Variants in CACNA1B observed in about 807,000 individuals in gnomAD.
The protein encoded by CACNA1B is voltage-dependent N-type calcium channel subunit alpha-1B.
A neutral mutation model predicts 247.2 loss-of-function variants in CACNA1B; 70 were observed. The ratio of observed to expected loss-of-function variants is 0.28; its 90% confidence interval spans 0.23 to 0.35. CACNA1B has a LOEUF of 0.35. CACNA1B is among the 10% of genes least tolerant of loss of function. The pLI, the probability that CACNA1B is intolerant of heterozygous loss-of-function variation, is 1.00. For synonymous variants in CACNA1B, 1,231 were observed against 1,294.4 expected (o/e 0.95, Z 1.05); for missense variants, 2,367 against 3,197.4 (o/e 0.74, Z 6.26).
At chr9:137,915,584 A>G (rs1957400780) in intron 5 of CACNA1B, among the ~76,000 whole-genome samples, 1 of 152,184 alleles carries the variant, frequency 6.6e-6, no homozygotes, top group South Asian at 2.1e-4. Flanking sequence ...CAGCACTTTT[A>G]GAAAAAGGTT....
intron 44 of CACNA1B, 24 bp downstream of exon 44, chr9:138,118,792 G>A: frequency 8.8e-7 from 1 of 1,138,364 alleles, no homozygotes; most frequent in Admixed American, 2.2e-5. Flanking sequence ...GAGGGTCCAG[G>A]CCCTGGGCTG....
At chr9:138,079,127 TAGAC>T (rs1340506395) in intron 36 of CACNA1B, among the ~76,000 whole-genome samples, 1 of 152,180 alleles carries the variant, frequency 6.6e-6, no homozygotes, top group Non-Finnish European at 1.5e-5. Flanking sequence ...GAGTGCCTGT[TAGAC>T]ATACAGATTC....
intron 6 of CACNA1B, among the ~76,000 whole-genome samples, chr9:137,932,544 T>G (rs1957619674): frequency 6.6e-6 from 1 of 152,184 alleles, no homozygotes; most frequent in African/African-American, 2.4e-5. Flanking sequence ...GTGGCCCTGG[T>G]TAAAGGCTGG....
At chr9:137,884,669 G>A (rs1198272666) in intron 3 of CACNA1B, among the ~76,000 whole-genome samples, 2 of 151,708 alleles carry the variant, frequency 1.3e-5, no homozygotes, top group Non-Finnish European at 1.5e-5. Flanking sequence ...TTGTTGGGGT[G>A]TAAGCAGTGC....
intron 3 of CACNA1B, among the ~76,000 whole-genome samples, chr9:137,894,507 C>T (rs1356667693): frequency 6.6e-6 from 1 of 151,916 alleles, no homozygotes; most frequent in Non-Finnish European, 1.5e-5. Context: ...CCCCTGGGTT[C>T]ACGCCATTCT....
At chr9:137,960,634 T>C (rs1414397872) in intron 10 of CACNA1B, among the ~76,000 whole-genome samples, 1 of 151,916 alleles carries the variant, frequency 6.6e-6, no homozygotes, top group Non-Finnish European at 1.5e-5. Context: ...AAGGCTGTGC[T>C]TGGCACCCAG....
rs888249423 is a variant in CACNA1B, at chr9:138,102,047, C to A, written c.5223-664C>A. Among the ~76,000 whole-genome samples the A allele has an allele frequency of 1.3e-5, 2 of 152,210 alleles. No homozygotes were observed. The highest frequency in any genetic ancestry group is 4.8e-5 in the African/African-American group (2 of 41,470). On this transcript the variant is annotated intron_variant, in intron 37 of 46. Coordinates refer to ENST00000371372, the MANE Select transcript of CACNA1B (RefSeq NM_000718.4). The surrounding 1 kb of genome is among the most constrained non-coding windows in gnomAD (Gnocchi z 5.4). ...CTCCCGCAGTCTCCCATTTCCCACCCAGCCCTGAGCCCCAGCAGCAGCCCT... is the reference window on the plus strand; with the variant it reads ...CTCCCGCAGTCTCCCATTTCCCACCAAGCCCTGAGCCCCAGCAGCAGCCCT...
intron 3 of CACNA1B, among the ~76,000 whole-genome samples, chr9:137,907,708 G>A (rs1415302261): frequency 6.6e-6 from 1 of 151,960 alleles, no homozygotes; most frequent in African/African-American, 2.4e-5. Flanking sequence ...GTCTTTTATG[G>A]TGTGGTGTTA....
At chr9:137,997,356 T>C (rs1958512709) in intron 15 of CACNA1B, among the ~76,000 whole-genome samples, 1 of 152,184 alleles carries the variant, frequency 6.6e-6, no homozygotes, top group Admixed American at 6.5e-5. Context: ...TTGTCGGGAT[T>C]GACAAGAAAG....
intron 38 of CACNA1B, among the ~76,000 whole-genome samples, chr9:138,104,390 G>A (rs938801050): frequency 9.2e-5 from 14 of 152,256 alleles, no homozygotes; most frequent in Admixed American, 2.6e-4. Flanking sequence ...GCCCCCCAAC[G>A]CCTGCCCTGT....
Position 137,971,887 on chromosome 9 carries a change from A to G in CACNA1B, c.1543+295A>G, listed in dbSNP as rs1958155157. On this transcript the variant is annotated intron_variant, in intron 11 of 46. Coordinates refer to ENST00000371372, the MANE Select transcript of CACNA1B (RefSeq NM_000718.4). This position sits in a 1 kb window ranked among gnomAD's most constrained non-coding sequence, Gnocchi z 4.4. Reference sequence around the variant, plus strand: ...TTGAGGGGTCCGAGGCACCCAGGGCAGGATATATGTGGGACGACCAGGGGC... The same window carrying G: ...TTGAGGGGTCCGAGGCACCCAGGGCGGGATATATGTGGGACGACCAGGGGC... 6.6e-6 allele frequency among the ~76,000 whole-genome samples: 1 copy of G among 152,110 alleles called. No homozygotes were observed. Among genetic ancestry groups the G allele is most frequent in the Non-Finnish European group, 1.5e-5 (1 of 67,986 alleles).
At chr9:137,968,834 T>C (rs1267272672) in intron 10 of CACNA1B, among the ~76,000 whole-genome samples, 1 of 152,262 alleles carries the variant, frequency 6.6e-6, no homozygotes, top group East Asian at 1.9e-4. Context: ...TGTGTCATCA[T>C]TCATAGGTTA....
Position 137,986,236 on chromosome 9 carries a change from AG to A in CACNA1B, c.1770-174del, listed in dbSNP as rs1958359960. 6.6e-6 allele frequency among the ~76,000 whole-genome samples: 1 copy of A among 152,168 alleles called. No homozygotes were observed. The highest frequency in any genetic ancestry group is 1.5e-5 in the Non-Finnish European group (1 of 68,020). On this transcript the variant is annotated intron_variant, in intron 13 of 46. Coordinates refer to ENST00000371372, the MANE Select transcript of CACNA1B (RefSeq NM_000718.4). This position sits in a 1 kb window ranked among gnomAD's most constrained non-coding sequence, Gnocchi z 6.0. The stretch of plus-strand genomic sequence containing the variant: ...TTCTCTGCCTTCCCATGGGGCCCTC[AG>A]GGAGAGAAGTCCAGGGTAGTGGGCC...
chr9:138,058,612 G>A lies in CACNA1B; in HGVS notation c.4352G>A (p.Arg1451Gln), dbSNP rs1289601418. Residue 1451 changes from arginine to glutamine, a missense_variant, in exon 29 of 47, where the codon CGG becomes CAG. Physicochemically the swap from Arg to Gln is conservative, Grantham distance 43. Coordinates refer to ENST00000371372, the MANE Select transcript of CACNA1B (RefSeq NM_000718.4). The surrounding 1 kb of genome is among the most constrained non-coding windows in gnomAD (Gnocchi z 4.7). ...GCCATCAGCGCCAAACCCCTGACAC[G>A]GTACATGCCCCAAAACCGGCAGTCG... The part of the protein sequence containing the change: ...DFAISAKPLT[R>Q]YMPQNRQSFQ... 5.6e-6 allele frequency: 9 copies of A among 1,613,764 alleles called. No individual in the cohort carries two copies. Among genetic ancestry groups the A allele is most frequent in the Middle Eastern group, 1.6e-4 (1 of 6,082 alleles).
intron 19 of CACNA1B, 87 bp from the exon 20 acceptor site, chr9:138,024,868 A>G (rs746732515): frequency 1.2e-4 from 106 of 921,088 alleles, no homozygotes; most frequent in Non-Finnish European, 1.7e-4. Context: ...TCCTGGGCTC[A>G]AGTGATCCTC....
chr9:137,925,172 C>T (rs185355853), intron 6 of CACNA1B, among the ~76,000 whole-genome samples: 38 of 152,194 alleles, frequency 2.5e-4, no homozygotes, highest in African/African-American at 8.9e-4. Flanking sequence ...ATAAGTTCAA[C>T]GATGTATTAC....
chr9:138,032,852 T>C (rs1219419546), intron 20 of CACNA1B: 2 of 338,926 alleles, frequency 5.9e-6, no homozygotes, highest in Non-Finnish European at 5.7e-6. Context: ...CAGTGTGCTT[T>C]GATGTGAGTT....
intron 20 of CACNA1B, among the ~76,000 whole-genome samples, chr9:138,026,632 T>C (rs12005780): frequency 0.14 from 21,690 of 152,260 alleles, 1,813 homozygotes; most frequent in East Asian, 0.44. Flanking sequence ...GTTGGATTAA[T>C]AGTCTGTCTT....
chr9:138,017,370 T>C (rs7042117), intron 18 of CACNA1B, among the ~76,000 whole-genome samples: 45,924 of 152,244 alleles, frequency 0.3, 9,704 homozygotes, highest in East Asian at 0.65. Flanking sequence ...TGCTCCCTGA[T>C]GTCCCCAAGT....
Sources: allele counts gnomAD v4.1 joint callset (sites outside exome capture counted in the v4.1 genomes callset), GRCh38; gene constraint gnomAD v4.1.1; non-coding constraint Gnocchi (gnomAD v3.1); transcripts MANE v1.5; gene names NCBI Gene and HGNC (gene_info 2026-07-23, HGNC 2026-07-21).